TMEM183A: variants seen among roughly 807,000 people sequenced by gnomAD.
TMEM183A encodes the protein transmembrane protein 183A.
In TMEM183A, 21 loss-of-function variants were observed where a neutral mutation model predicts 46.7. That is an observed-to-expected ratio of 0.45 (90% CI 0.32 to 0.65). The LOEUF (loss-of-function observed/expected upper bound fraction) is 0.65. Among genes scored for constraint, TMEM183A ranks in the 30% least tolerant of loss-of-function variants. The pLI, the probability that TMEM183A is intolerant of heterozygous loss-of-function variation, is 0.04. For missense variants in TMEM183A, 331 were observed against 481.9 expected (o/e 0.69, Z 2.93); for synonymous variants, 165 against 180.2 (o/e 0.92, Z 0.68).
At chr1:203,014,211 TTTTCTTA>T (rs1447397090) in intron 3 of TMEM183A, among the ~76,000 whole-genome samples, 1 of 152,242 alleles carries the variant, frequency 6.6e-6, no homozygotes, top group Non-Finnish European at 1.5e-5. Context: ...CAAGGTTTTG[TTTTCTTA>T]TTAGTAAAAT....
chr1:203,020,656 A>G (rs1657572526), intron 6 of TMEM183A, 137 bp from the exon 7 acceptor site: 3 of 1,119,570 alleles, frequency 2.7e-6, no homozygotes, highest in Non-Finnish European at 2.5e-6. Context: ...TGATCTCTGT[A>G]TAGAAACATG....
chr1:203,015,569 T>G, intron 4 of TMEM183A: 2 of 225,778 alleles, frequency 8.9e-6, no homozygotes, highest in South Asian at 1.5e-4. Context: ...ACTGTCAGGC[T>G]GTGGTGGGAA....
chr1:203,016,472 A>G (rs117023405), intron 5 of TMEM183A, among the ~76,000 whole-genome samples: 1 of 152,364 alleles, frequency 6.6e-6, no homozygotes, highest in East Asian at 1.9e-4. Context: ...TGGTAGACGT[A>G]TGCTGTAATT....
chr1:203,019,632 T>C (rs1657477628), intron 6 of TMEM183A, among the ~76,000 whole-genome samples: 1 of 152,164 alleles, frequency 6.6e-6, no homozygotes, highest in Non-Finnish European at 1.5e-5. Context: ...TTATTTAAGC[T>C]TATTTACCAT....
chr1:203,019,283 C>G (rs964459835), intron 6 of TMEM183A, among the ~76,000 whole-genome samples: 1 of 152,126 alleles, frequency 6.6e-6, no homozygotes, highest in African/African-American at 2.4e-5. Flanking sequence ...GCCATGAAAA[C>G]AAAAGGTAAG....
At chr1:203,012,148 T>TCTCACATACACACA (rs1553249434) in intron 3 of TMEM183A, among the ~76,000 whole-genome samples, 1 of 79,400 alleles carries the variant, frequency 1.3e-5, no homozygotes, top group Non-Finnish European at 2.4e-5. Flanking sequence ...CCCCACTCCA[T>TCTCACATACACACA]CACACACACA....
chr1:203,021,089 T>A, intron 7 of TMEM183A, 141 bp downstream of exon 7: 1 of 988,710 alleles, frequency 1.0e-6, no homozygotes, highest in Non-Finnish European at 1.4e-6. Context: ...TGAAGTGCAG[T>A]GATGGAATCA....
In TMEM183A at chr1:203,012,268, C is replaced by CACACACACACACACACACAT. The variant is rs1212238460; in HGVS notation, c.368-2611_368-2610insACACACACATACACACACAC. Among the ~76,000 whole-genome samples, 125 of 149,432 alleles carry CACACACACACACACACACAT rather than the reference C, an allele frequency of 8.4e-4. 1 individual carries two copies. Among genetic ancestry groups the CACACACACACACACACACAT allele is most frequent in the Admixed American group, 7.3e-3 (104 of 14,254 alleles). On this transcript the variant is annotated intron_variant, in intron 3 of 7. Coordinates refer to ENST00000367242, the MANE Select transcript of TMEM183A (RefSeq NM_138391.6). ...ACACACACACACACACACACACACA[C>CACACACACACACACACACAT]ACACACACACGGTTATTTTGAAACA...
intron 6 of TMEM183A, 59 bp downstream of exon 6, chr1:203,018,620 T>C: frequency 1.3e-6 from 2 of 1,557,268 alleles, no homozygotes; most frequent in South Asian, 1.1e-5. Flanking sequence ...TTTCCCTAGA[T>C]ATCTTTCTTA....
In TMEM183A at chr1:203,018,565, C is replaced by T. The variant is rs1274799855; in HGVS notation, c.789+4C>T. 10 of 1,612,638 alleles carry T rather than the reference C, an allele frequency of 6.2e-6. No homozygotes were observed. Among genetic ancestry groups the T allele is most frequent in the African/African-American group, 4.0e-5 (3 of 74,842 alleles). On this transcript the variant is annotated splice_donor_region_variant and intron_variant, in intron 6 of 7. Transcript: ENST00000367242. ...CAACTTCAAGTTCAAAAAACAGGTA[C>T]GTGGTCTTCTCTTTGTTTTTCAGAT... is the stretch of plus-strand genomic sequence containing the variant.
At chr1:203,018,392 A>G in intron 5 of TMEM183A, 89 bp from the exon 6 acceptor site, 2 of 1,467,244 alleles carry the variant, frequency 1.4e-6, no homozygotes, top group Non-Finnish European at 1.8e-6. Context: ...GTCAAACAGA[A>G]AGGTTTTTGG....
At position 203,017,455 on chromosome 1, in the gene TMEM183A, ATTC is replaced by A. The variant is rs547650196; in HGVS notation, c.709-1023_709-1021del. ...AATTCTAAAATACCCCTATCTTCAT[ATTC>A]TTATCATTGTCTATTAATTTTTTTA... On this transcript the variant is annotated intron_variant, in intron 5 of 7. Transcript: ENST00000367242. Among the ~76,000 whole-genome samples the A allele has an allele frequency of 2.4e-4, 37 of 152,296 alleles. No individual in the cohort carries two copies. The South Asian group carries it at 6.2e-3, about 26-fold the overall frequency.
chr1:203,022,815 G>T (rs904906013), intron 7 of TMEM183A, 40 bp from the exon 8 acceptor site: 1 of 1,613,094 alleles, frequency 6.2e-7, no homozygotes, highest in South Asian at 1.1e-5. Context: ...GGAAACCAAG[G>T]TTGTGTAAGT....
intron 5 of TMEM183A, 143 bp from the exon 6 acceptor site, chr1:203,018,338 C>T (rs1191256247): frequency 2.1e-6 from 2 of 952,700 alleles, no homozygotes; most frequent in Non-Finnish European, 1.5e-6. Context: ...CTATCTGTGC[C>T]AAAGTAAAAT....
At chr1:203,018,616 T>G (rs1657392331) in intron 6 of TMEM183A, 55 bp downstream of exon 6, 1 of 1,557,012 alleles carries the variant, frequency 6.4e-7, no homozygotes, top group Non-Finnish European at 8.8e-7. Flanking sequence ...GAGATTTCCC[T>G]AGATATCTTT....
rs1235786503 is a variant in TMEM183A at position 203,020,842 on chromosome 1, A to C, written c.839A>C (p.Gln280Pro). Residue 280 changes from glutamine to proline, a missense_variant, in exon 7 of 8, where the codon CAG (glutamine) becomes CCG (proline). Transcript: ENST00000367242. ...ACAGGAGGATTGCAGCCTCCCGTTC[A>C]GTACGAAGATGTTCATACCAATCCA... ...KCTGGLQPPV[Q>P]YEDVHTNPDQ... 1 of 1,613,928 alleles carries C rather than the reference A, an allele frequency of 6.2e-7. No individual in the cohort carries two copies. Among genetic ancestry groups the C allele is most frequent in the Non-Finnish European group, 8.5e-7 (1 of 1,179,992 alleles).
chr1:203,009,239 CAT>C (rs1222020540), intron 3 of TMEM183A, among the ~76,000 whole-genome samples: 7 of 152,206 alleles, frequency 4.6e-5, no homozygotes, highest in Admixed American at 6.5e-5. Flanking sequence ...TACACACAAA[CAT>C]AGACATTATC....
chr1:203,024,479 C>CT lies in TMEM183A; in HGVS notation c.*1439_*1440insT, dbSNP rs1435514257. The CT allele has an allele frequency of 8.1e-5, 9 of 111,748 alleles. No individual in the cohort carries two copies. In the East Asian group the frequency reaches 1.1e-3, roughly 14 times the overall value. 6.9% of individuals were successfully genotyped at this position (111,748 alleles called of 1,614,324 possible). ...CTTGTGAGGCAAACTGCTAAATTCA[C>CT]ATTTTTGTTTTTTTTTTTTTACCAT... is the stretch of plus-strand genomic sequence containing the variant. On this transcript the variant is annotated 3_prime_UTR_variant, in exon 8 of 8. Transcript: ENST00000367242.
chr1:203,011,247 G>C (rs1656544489), intron 3 of TMEM183A, among the ~76,000 whole-genome samples: 1 of 152,124 alleles, frequency 6.6e-6, no homozygotes, highest in Non-Finnish European at 1.5e-5. Flanking sequence ...CAGTGTATAA[G>C]AGTTCCAGTT....
Sources: gnomAD v4.1 joint callset for allele counts (sites outside exome capture counted in the v4.1 genomes callset) on GRCh38, gnomAD v4.1.1 for gene constraint, MANE v1.5 for transcripts, NCBI Gene and HGNC (gene_info 2026-07-23, HGNC 2026-07-21) for gene names.